Variants in GOLGA8A observed in about 807,000 individuals in gnomAD.
GOLGA8A encodes the protein golgin subfamily A member 8A.
In GOLGA8A, 3 loss-of-function variants were observed where a neutral mutation model predicts 22.1. That is an observed-to-expected ratio of 0.14 (90% CI 0.06 to 0.35). The LOEUF (loss-of-function observed/expected upper bound fraction) is 0.35, where lower values mean the gene tolerates loss of function less well. GOLGA8A is among the 10% of genes least tolerant of loss of function. GOLGA8A has a pLI of 1.00. For synonymous variants in GOLGA8A, 7 were observed against 91.7 expected (o/e 0.08, Z 5.28); for missense variants, 16 against 233.2 (o/e 0.07, Z 6.07).
intron 2 of GOLGA8A, among the ~76,000 whole-genome samples, chr15:34,425,187 C>A (rs1293703842): frequency 6.8e-6 from 1 of 146,616 alleles, no homozygotes; most frequent in African/African-American, 2.5e-5. Flanking sequence ...GAGGTAATGG[C>A]CCTTTAAGAT....
chr15:34,422,733 G>GCTCT (rs377406455), intron 2 of GOLGA8A, among the ~76,000 whole-genome samples: 1 of 96,760 alleles, frequency 1.0e-5, no homozygotes. Context: ...TCTCGCTCTC[G>GCTCT]CTCTCTCTCT....
chr15:34,393,901 A>AT (rs1442361742), intron 8 of GOLGA8A, among the ~76,000 whole-genome samples: 1 of 80,244 alleles, frequency 1.2e-5, no homozygotes, highest in African/African-American at 4.4e-5. Context: ...TTACAACAGG[A>AT]TAAAAAAAAG....
chr15:34,380,932 GC>G lies in GOLGA8A; in HGVS notation c.*478del, dbSNP rs1388021721. 6 of 302,746 alleles carry G rather than the reference GC, an allele frequency of 2.0e-5. No individual in the cohort carries two copies. Among genetic ancestry groups the G allele is most frequent in the Non-Finnish European group, 3.8e-5 (6 of 157,246 alleles). 18.8% of individuals were successfully genotyped at this position (302,746 alleles called of 1,614,324 possible). On this transcript the variant is annotated 3_prime_UTR_variant, in exon 25 of 25. Transcript: ENST00000359187. ...AGTAATAAACAGTGCACACTTGAGG[GC>G]AAACCGCATATTGAGCTATAGAAGA...
rs766766900 is a variant in GOLGA8A, at chr15:34,379,400, A to C, written c.*2011T>G. On this transcript the variant is annotated 3_prime_UTR_variant, in exon 25 of 25. Transcript: ENST00000359187. ...CTCTTTAAGATACAGTTTTAAACCC[A>C]TGGGCTAGAAATCATACGACTGTTA... is the stretch of plus-strand genomic sequence containing the variant. The C allele has an allele frequency of 6.6e-6, 1 of 152,544 alleles. No homozygotes were observed. The highest frequency in any genetic ancestry group is 2.4e-5 in the African/African-American group (1 of 41,448). The allele number at this position is 152,544 out of a possible 1,614,324, so 9.4% of individuals were successfully genotyped here. A position where few individuals can be genotyped will look rare whatever the true frequency, so the allele number is the denominator to read the frequency against.
rs968479566 is a variant in GOLGA8A, at chr15:34,379,502, A to C, written c.*1909T>G. The C allele has an allele frequency of 6.6e-6, 1 of 152,644 alleles. No homozygotes were observed. Among genetic ancestry groups the C allele is most frequent in the African/African-American group, 2.4e-5 (1 of 41,450 alleles). The allele number at this position is 152,644 out of a possible 1,614,324, so 9.5% of individuals were successfully genotyped here. On this transcript the variant is annotated 3_prime_UTR_variant, in exon 25 of 25. Coordinates refer to ENST00000359187, the MANE Select transcript of GOLGA8A (RefSeq NM_181077.5). ...GTGTAATACATTGATAAATTCATAC[A>C]ATTTGGAAGAGTCAGTTGAAGTTAC... is the stretch of plus-strand genomic sequence containing the variant.
chr15:34,431,240 C>G (rs1186610588), intron 2 of GOLGA8A, among the ~76,000 whole-genome samples: 1 of 123,648 alleles, frequency 8.1e-6, no homozygotes, highest in African/African-American at 2.9e-5. Flanking sequence ...TTAGAGCTGC[C>G]TTGCTGGAGA....
In GOLGA8A at chr15:34,434,062, C is replaced by G. The variant is rs1893376290; in HGVS notation, c.-1123+1321G>C. Among the ~76,000 whole-genome samples the G allele has an allele frequency of 1.3e-5, 2 of 148,984 alleles. 1 individual carries two copies. The highest frequency in any genetic ancestry group is 1.4e-4 in the Admixed American group (2 of 14,786). ...GGGATAAGATGAAAGAGCCTACATT[C>G]AGTTAGGATCTCCGGGATGGACATG... On this transcript the variant is annotated intron_variant, in intron 2 of 24. Coordinates refer to ENST00000359187, the MANE Select transcript of GOLGA8A (RefSeq NM_181077.5).
In GOLGA8A at chr15:34,380,133, T is replaced by A. The variant is rs1034792861; in HGVS notation, c.*1278A>T. On this transcript the variant is annotated 3_prime_UTR_variant, in exon 25 of 25. Transcript: ENST00000359187. ...ACTAAGTACTCTCACATATATTAGT[T>A]TATAATAATGTTTGTTATTACTTTC... 2.6e-5 allele frequency: 4 copies of A among 152,332 alleles called. No homozygotes were observed. The highest frequency in any genetic ancestry group is 5.9e-5 in the Non-Finnish European group (4 of 68,042). 9.4% of individuals were successfully genotyped at this position (152,332 alleles called of 1,614,324 possible). A position where few individuals can be genotyped will look rare whatever the true frequency, so the allele number is the denominator to read the frequency against.
intron 2 of GOLGA8A, among the ~76,000 whole-genome samples, chr15:34,424,709 C>G (rs1207956227): frequency 1.5e-5 from 2 of 129,964 alleles, no homozygotes; most frequent in Non-Finnish European, 3.3e-5. Context: ...TACAAAAGCT[C>G]TCTCCTCTCC....
In GOLGA8A at chr15:34,430,000, G is replaced by T. The variant is rs185181947; in HGVS notation, c.-1123+5383C>A. Among the ~76,000 whole-genome samples, 52 of 147,814 alleles carry T rather than the reference G, an allele frequency of 3.5e-4. 4 individuals carry two copies. The East Asian group carries it at 4.0e-3, about 11-fold the overall frequency. ...GAGTGGGAATGCTGCCAGTCCAGGG[G>T]TCCCCCACGGCAGCTCCCCAAATGA... On this transcript the variant is annotated intron_variant, in intron 2 of 24. Transcript: ENST00000359187.
chr15:34,404,710 G>A (rs572995363), intron 5 of GOLGA8A, among the ~76,000 whole-genome samples: 1 of 146,692 alleles, frequency 6.8e-6, no homozygotes, highest in African/African-American at 2.5e-5. Context: ...GGAGATCAAG[G>A]CTTCAGTGAA....
intron 2 of GOLGA8A, among the ~76,000 whole-genome samples, chr15:34,434,479 A>C (rs1239035088): frequency 6.7e-6 from 1 of 148,890 alleles, no homozygotes; most frequent in Non-Finnish European, 1.5e-5. Context: ...GGACAGGGAG[A>C]GAGGGGAGGA....
At chr15:34,424,507 A>C (rs1892905179) in intron 2 of GOLGA8A, among the ~76,000 whole-genome samples, 2 of 146,986 alleles carry the variant, frequency 1.4e-5, no homozygotes, top group Admixed American at 1.4e-4. Flanking sequence ...GCAGTCCACA[A>C]ATTTAAAAGG....
At chr15:34,432,745 T>C (rs544347164) in intron 2 of GOLGA8A, among the ~76,000 whole-genome samples, 1 of 148,892 alleles carries the variant, frequency 6.7e-6, no homozygotes, top group Non-Finnish European at 1.5e-5. Context: ...ATTTTGATCC[T>C]TGAAACACAA....
At chr15:34,416,394 T>C (rs1453459329) in intron 2 of GOLGA8A, 2 of 147,088 alleles carry the variant, frequency 1.4e-5, no homozygotes, top group African/African-American at 5.0e-5. Context: ...ATTTTGGTCT[T>C]AGTTTTCTTT....
At chr15:34,436,231 A>C (rs1482932104) in intron 1 of GOLGA8A, among the ~76,000 whole-genome samples, 3 of 149,330 alleles carry the variant, frequency 2.0e-5, no homozygotes, top group African/African-American at 7.4e-5. Context: ...GTCCCACTTC[A>C]ACCTGCAAAG....
At chr15:34,400,940 C>A (rs1396697291) in intron 5 of GOLGA8A, among the ~76,000 whole-genome samples, 181 bp from the exon 6 acceptor site, 339 of 89,674 alleles carry the variant, frequency 3.8e-3, no homozygotes, top group African/African-American at 0.012. Flanking sequence ...TTTTTTTCAT[C>A]AAAATACCGC....
intron 2 of GOLGA8A, among the ~76,000 whole-genome samples, chr15:34,433,051 G>A (rs184363882): frequency 6.7e-6 from 1 of 149,052 alleles, no homozygotes. Context: ...TGGGCCCCAG[G>A]GATTAGTGGC....
chr15:34,437,328 C>T (rs1426796933), intron 1 of GOLGA8A, 70 bp downstream of exon 1: 1 of 142,306 alleles, frequency 7.0e-6, no homozygotes, highest in Admixed American at 7.0e-5. Context: ...CGTCCGGGTC[C>T]CCGCGGCGCC....
Sources: gnomAD v4.1 joint callset for allele counts (sites outside exome capture counted in the v4.1 genomes callset) on GRCh38, gnomAD v4.1.1 for gene constraint, MANE v1.5 for transcripts, NCBI Gene and HGNC (gene_info 2026-07-23, HGNC 2026-07-21) for gene names.